The following GALNT7 variants were observed in gnomAD, a reference collection of about 807,000 sequenced individuals.
GALNT7 encodes polypeptide N-acetylgalactosaminyltransferase 7, also known as N-acetylgalactosaminyltransferase 7.
Under a neutral mutation model 82.1 loss-of-function variants are expected in GALNT7, and 60 were observed. The observed-to-expected ratio is 0.73, with a 90% CI of 0.59 to 0.91. The LOEUF (loss-of-function observed/expected upper bound fraction) is 0.91, where lower values mean the gene tolerates loss of function less well. Among genes scored for constraint, GALNT7 ranks in the 40% least tolerant of loss-of-function variants. GALNT7 has a pLI of 0.00. For missense variants in GALNT7, 660 were observed against 804.2 expected (o/e 0.82, Z 2.17); for synonymous variants, 243 against 275.1 (o/e 0.88, Z 1.15).
At chr4:173,173,193 T>A (rs149560446) in intron 1 of GALNT7, among the ~76,000 whole-genome samples, 5 of 152,256 alleles carry the variant, frequency 3.3e-5, no homozygotes, top group African/African-American at 1.2e-4. Flanking sequence ...TGGAAAGTTC[T>A]CAAAGCAAAA....
chr4:173,283,913 A>G (rs1561188826), intron 2 of GALNT7, among the ~76,000 whole-genome samples: 1 of 152,266 alleles, frequency 6.6e-6, no homozygotes, highest in Non-Finnish European at 1.5e-5. Context: ...ACTTACAACC[A>G]GTTTCTGAAT....
At chr4:173,286,564 G>A (rs1028491280) in intron 2 of GALNT7, among the ~76,000 whole-genome samples, 1 of 152,196 alleles carries the variant, frequency 6.6e-6, no homozygotes, top group African/African-American at 2.4e-5. Flanking sequence ...TCAAGCTTCA[G>A]CCAGAATTCC....
At chr4:173,174,891 C>A (rs929205103) in intron 1 of GALNT7, among the ~76,000 whole-genome samples, 10 of 152,108 alleles carry the variant, frequency 6.6e-5, no homozygotes, top group African/African-American at 2.2e-4. Flanking sequence ...GTGACTTAGG[C>A]TGGTTGCATG....
chr4:173,175,023 A>G (rs1033306589), intron 1 of GALNT7, among the ~76,000 whole-genome samples: 4 of 152,244 alleles, frequency 2.6e-5, no homozygotes, highest in Admixed American at 1.3e-4. Flanking sequence ...TCTGAGCTTG[A>G]GCCATCTGTA....
At chr4:173,251,961 C>T (rs1254851964) in intron 2 of GALNT7, among the ~76,000 whole-genome samples, 3 of 151,924 alleles carry the variant, frequency 2.0e-5, no homozygotes, top group Non-Finnish European at 4.4e-5. Flanking sequence ...GATTCTTTCT[C>T]CCACTTAAAA....
chr4:173,268,976 G>A (rs180971269), intron 2 of GALNT7, among the ~76,000 whole-genome samples: 3 of 152,210 alleles, frequency 2.0e-5, no homozygotes, highest in Admixed American at 1.3e-4. Context: ...TGTATATTTA[G>A]TATGGGGCTC....
chr4:173,304,984 G>T (rs62342305), intron 8 of GALNT7, among the ~76,000 whole-genome samples: 1,844 of 152,204 alleles, frequency 0.012, 18 homozygotes, highest in Middle Eastern at 0.02. Flanking sequence ...CAATGAACAG[G>T]AGTGTAGATA....
At chr4:173,245,739 C>T (rs34279440) in intron 1 of GALNT7, among the ~76,000 whole-genome samples, 3,135 of 152,260 alleles carry the variant, frequency 0.021, 49 homozygotes, top group Non-Finnish European at 0.032. Context: ...ATTGGAGAAA[C>T]GAACACTTTT....
chr4:173,291,334 A>G (rs996292101), intron 2 of GALNT7, among the ~76,000 whole-genome samples: 1 of 152,146 alleles, frequency 6.6e-6, no homozygotes, highest in African/African-American at 2.4e-5. Flanking sequence ...ACATCTTCCT[A>G]CAAGATCTGC....
chr4:173,276,469 G>A (rs929621643), intron 2 of GALNT7, among the ~76,000 whole-genome samples: 1 of 152,126 alleles, frequency 6.6e-6, no homozygotes, highest in Non-Finnish European at 1.5e-5. Context: ...GGCATTGTTT[G>A]AGAAAATGAT....
rs1206756941 is a variant in GALNT7, at chr4:173,320,964, C to T, written c.1837-616C>T. On this transcript the variant is annotated intron_variant, in intron 11 of 11. Coordinates refer to ENST00000265000, the MANE Select transcript of GALNT7 (RefSeq NM_017423.3). The surrounding 1 kb of genome is among the most constrained non-coding windows in gnomAD (Gnocchi z 4.1). The stretch of plus-strand genomic sequence containing the variant: ...GCTAAGGCACCATCAGTTTTACTCA[C>T]CATTGCTTTTGCACTATCGGTATAA... Among the ~76,000 whole-genome samples, 2 of 152,156 alleles carry T rather than the reference C, an allele frequency of 1.3e-5. No homozygotes were observed. Among genetic ancestry groups the T allele is most frequent in the Non-Finnish European group, 2.9e-5 (2 of 68,012 alleles).
At chr4:173,258,777 CTTGTTAGGGA>C (rs1735138880) in intron 2 of GALNT7, among the ~76,000 whole-genome samples, 1 of 152,170 alleles carries the variant, frequency 6.6e-6, no homozygotes, top group Non-Finnish European at 1.5e-5. Context: ...CACCCATTGC[CTTGTTAGGGA>C]TGCTAACAGC....
intron 1 of GALNT7, among the ~76,000 whole-genome samples, chr4:173,171,065 A>G (rs1011380047): frequency 6.6e-6 from 1 of 150,668 alleles, no homozygotes; most frequent in African/African-American, 2.4e-5. Context: ...TAACATAATT[A>G]ACATTAAGAG....
At position 173,254,216 on chromosome 4, in the gene GALNT7, A is replaced by T. The variant is rs11940031; in HGVS notation, c.587+5776A>T. Among the ~76,000 whole-genome samples the T allele has an allele frequency of 5.4e-3, 827 of 152,292 alleles. 10 individuals carry two copies. Among genetic ancestry groups the T allele is most frequent in the African/African-American group, 0.019 (780 of 41,574 alleles). On this transcript the variant is annotated intron_variant, in intron 2 of 11. Coordinates refer to ENST00000265000, the MANE Select transcript of GALNT7 (RefSeq NM_017423.3). Reference sequence around the variant, plus strand: ...TTTCTTAAGCTTGTCTATGGGAAATATTTTTTAAAAAGATATTTTACATTT... The same window carrying T: ...TTTCTTAAGCTTGTCTATGGGAAATTTTTTTTAAAAAGATATTTTACATTT...
intron 1 of GALNT7, among the ~76,000 whole-genome samples, chr4:173,200,250 T>C (rs981685908): frequency 2.0e-5 from 3 of 152,210 alleles, no homozygotes; most frequent in Admixed American, 6.5e-5. Context: ...GACAATTTTA[T>C]GCCAAGAGAA....
chr4:173,175,658 C>A (rs949072752), intron 1 of GALNT7, among the ~76,000 whole-genome samples: 1 of 152,150 alleles, frequency 6.6e-6, no homozygotes, highest in Non-Finnish European at 1.5e-5. Flanking sequence ...CGGTGTGTAA[C>A]CCTGTCATAA....
At position 173,276,936 on chromosome 4, in the gene GALNT7, T is replaced by C. The variant is rs757158276; in HGVS notation, c.588-15172T>C. ...ATAACAATTTTTAGGACCTTCCAAG[T>C]AGTACCATCTCTGTCTCTAGCTTAC... On this transcript the variant is annotated intron_variant, in intron 2 of 11. Coordinates refer to ENST00000265000, the MANE Select transcript of GALNT7 (RefSeq NM_017423.3). 5.1e-4 allele frequency among the ~76,000 whole-genome samples: 78 copies of C among 152,166 alleles called. 1 individual carries two copies. The highest frequency in any genetic ancestry group is 8.7e-4 in the Non-Finnish European group (59 of 68,032).
At chr4:173,277,964 G>A (rs1211028656) in intron 2 of GALNT7, among the ~76,000 whole-genome samples, 2 of 152,142 alleles carry the variant, frequency 1.3e-5, no homozygotes, top group Non-Finnish European at 2.9e-5. Context: ...TTGAGAGGAA[G>A]TACTGTCAGT....
chr4:173,282,049 G>A (rs1032326421), intron 2 of GALNT7, among the ~76,000 whole-genome samples: 4 of 152,190 alleles, frequency 2.6e-5, no homozygotes, highest in Admixed American at 6.5e-5. Flanking sequence ...AGGGGAGTCC[G>A]AGTGGATTGC....
Sources: allele counts gnomAD v4.1 joint callset (sites outside exome capture counted in the v4.1 genomes callset), GRCh38; gene constraint gnomAD v4.1.1; non-coding constraint Gnocchi (gnomAD v3.1); transcripts MANE v1.5; gene names NCBI Gene and HGNC (gene_info 2026-07-23, HGNC 2026-07-21).